Variants in DPP8 observed in about 807,000 individuals in gnomAD.
DPP8 encodes the protein DPP VIII.
In DPP8, 31 loss-of-function variants were observed where a neutral mutation model predicts 107.5. The observed-to-expected ratio is 0.29, with a 90% CI of 0.22 to 0.39. The LOEUF is 0.39. Among genes scored for constraint, DPP8 ranks in the 10% least tolerant of loss-of-function variants. DPP8 has a pLI of 1.00. For missense variants in DPP8, 842 were observed against 1,076.1 expected (o/e 0.78, Z 3.04); for synonymous variants, 381 against 356.6 (o/e 1.07, Z -0.77).
rs373576240 is a variant in DPP8, at chr15:65,467,056, A to C, written c.1689+15T>G. On this transcript the variant is annotated intron_variant, in intron 13 of 19. Coordinates refer to ENST00000300141, the MANE Select transcript of DPP8 (RefSeq NM_130434.5). Reference sequence around the variant, plus strand: ...TTTAATATGACACAAAACCCTTTTTAAACAAACTTAATACCTGACTGATGC... The same window carrying C: ...TTTAATATGACACAAAACCCTTTTTCAACAAACTTAATACCTGACTGATGC... 6.2e-7 allele frequency: 1 copy of C among 1,613,444 alleles called. No individual in the cohort carries two copies. Among genetic ancestry groups the C allele is most frequent in the Non-Finnish European group, 8.5e-7 (1 of 1,179,706 alleles).
chr15:65,511,170 C>A (rs143285819), intron 2 of DPP8, among the ~76,000 whole-genome samples: 1 of 152,134 alleles, frequency 6.6e-6, no homozygotes, highest in African/African-American at 2.4e-5. Context: ...ATATTCACTT[C>A]CTCATCTTTT....
chr15:65,446,877 G>C lies in DPP8; in HGVS notation c.*7C>G. ...GTGTATACCAGAGAGTTCTACACAG[G>C]TCAAAATTATATCACTTTTAGAGCA... On this transcript the variant is annotated 3_prime_UTR_variant, in exon 20 of 20. Coordinates refer to ENST00000300141, the MANE Select transcript of DPP8 (RefSeq NM_130434.5). The C allele has an allele frequency of 6.2e-7, 1 of 1,608,310 alleles. No homozygotes were observed. Among genetic ancestry groups the C allele is most frequent in the Non-Finnish European group, 8.5e-7 (1 of 1,177,826 alleles).
chr15:65,515,861 G>T, intron 1 of DPP8: 1 of 610,256 alleles, frequency 1.6e-6, no homozygotes, highest in Admixed American at 3.3e-5. Context: ...GCCAAAAAGA[G>T]AAGCCCCAAA....
chr15:65,448,541 G>A (rs2063639013), intron 19 of DPP8, among the ~76,000 whole-genome samples: 4 of 150,542 alleles, frequency 2.7e-5, no homozygotes, highest in Non-Finnish European at 3.0e-5. Context: ...GCGTGGTGGC[G>A]GGCACCGGTA....
At chr15:65,514,535 G>C (rs1260593656) in intron 1 of DPP8, among the ~76,000 whole-genome samples, 1 of 152,188 alleles carries the variant, frequency 6.6e-6, no homozygotes, top group African/African-American at 2.4e-5. Flanking sequence ...TTGAGGCAGA[G>C]TCTTGCTCTG....
chr15:65,453,671 T>C lies in DPP8; in HGVS notation c.2271+592A>G, dbSNP rs146110661. On this transcript the variant is annotated intron_variant, in intron 17 of 19. Coordinates refer to ENST00000300141, the MANE Select transcript of DPP8 (RefSeq NM_130434.5). Reference sequence around the variant, plus strand: ...AGGTGGAGGCTGCAGTGAGCCAAGATTGCGTCACTGCACTCCAGCCTGGGT... The same window carrying C: ...AGGTGGAGGCTGCAGTGAGCCAAGACTGCGTCACTGCACTCCAGCCTGGGT... 6.0e-3 allele frequency among the ~76,000 whole-genome samples: 906 copies of C among 152,162 alleles called. 7 individuals are homozygous for C. The highest frequency in any genetic ancestry group is 0.021 in the African/African-American group (876 of 41,516).
intron 4 of DPP8, 126 bp downstream of exon 4, chr15:65,500,480 C>T (rs1567268465): frequency 1.0e-5 from 7 of 696,352 alleles, no homozygotes; most frequent in South Asian, 8.3e-5. Flanking sequence ...GTTTTCATTG[C>T]TATTAAATTT....
intron 3 of DPP8, among the ~76,000 whole-genome samples, chr15:65,505,914 C>T (rs139389188): frequency 9.3e-4 from 133 of 143,218 alleles, no homozygotes; most frequent in African/African-American, 3.4e-3. Flanking sequence ...TGCGCCACTG[C>T]GCTCCAGCCT....
chr15:65,490,130 C>T (rs2067883062), intron 6 of DPP8, 59 bp downstream of exon 6: 2 of 881,322 alleles, frequency 2.3e-6, no homozygotes, highest in Non-Finnish European at 1.9e-6. Context: ...ACTTAAATGA[C>T]AGTTGAATCT....
At chr15:65,475,960 C>T (rs1490811139) in intron 11 of DPP8, among the ~76,000 whole-genome samples, 2 of 152,096 alleles carry the variant, frequency 1.3e-5, no homozygotes, top group Non-Finnish European at 2.9e-5. Flanking sequence ...GCCATGTTGC[C>T]TAGGCTAGTC....
Position 65,467,219 on chromosome 15 carries a change from T to A in DPP8, c.1541A>T (p.Gln514Leu), listed in dbSNP as rs147909400. Residue 514 changes from glutamine to leucine, a missense_variant, in exon 13 of 20, where the codon CAA (glutamine) becomes CTA (leucine). By Grantham distance (113) the Gln-to-Leu change is moderately radical. Around this residue, in one of 2 missense-constraint regions of DPP8, gnomAD observed 663 missense variants for 758.0 expected, o/e 0.87. Transcript: ENST00000300141. ...TACCAGCCTTCTGACTTCATCAACT[T>A]GGATCTGACAAGATAACAACAATAA... ...EVLGRHGSNI[Q>L]VDEVRRLVYF... is the part of the protein sequence containing the mutation. 4.3e-6 allele frequency: 7 copies of A among 1,614,052 alleles called. No individual in the cohort carries two copies. The African/African-American group carries it at 9.3e-5, about 22-fold the overall frequency.
At chr15:65,469,822 C>T (rs371609325) in intron 12 of DPP8, among the ~76,000 whole-genome samples, 15 of 150,238 alleles carry the variant, frequency 1.0e-4, no homozygotes, top group Middle Eastern at 3.7e-3. Flanking sequence ...GGTGACAGAG[C>T]GAGACTCCAT....
chr15:65,494,149 C>T (rs371249258), intron 5 of DPP8, among the ~76,000 whole-genome samples: 15 of 123,256 alleles, frequency 1.2e-4, no homozygotes, highest in African/African-American at 3.7e-4. Flanking sequence ...GTTCTATATC[C>T]TTTTTTTTTT....
intron 15 of DPP8, among the ~76,000 whole-genome samples, chr15:65,459,711 T>C (rs2064749189): frequency 6.6e-6 from 1 of 152,188 alleles, no homozygotes; most frequent in South Asian, 2.1e-4. Context: ...TCCCAGCACT[T>C]TGGGAGGCCG....
intron 19 of DPP8, among the ~76,000 whole-genome samples, chr15:65,449,253 T>A (rs1337496471): frequency 6.8e-6 from 1 of 146,082 alleles, no homozygotes; most frequent in African/African-American, 2.5e-5. Flanking sequence ...ATATATAATT[T>A]AAAAATATAT....
At chr15:65,465,569 CTTTT>C (rs556724106) in intron 14 of DPP8, among the ~76,000 whole-genome samples, 8 of 128,578 alleles carry the variant, frequency 6.2e-5, no homozygotes, top group Admixed American at 7.9e-5. Flanking sequence ...CCAGTCCATT[CTTTT>C]TTTTTTTTTT....
rs1391857186 is a variant in DPP8, at chr15:65,507,352, A to G, written c.263T>C (p.Met88Thr). Residue 88 changes from methionine to threonine, a missense_variant, in exon 3 of 20, where the codon ATG becomes ACG. Physicochemically the swap from Met to Thr is moderately conservative, Grantham distance 81 (BLOSUM62 -1). This residue lies in a region of DPP8 where 663 missense variants were observed against 758.0 expected (regional missense o/e 0.87). Transcript: ENST00000300141. ...TGTATTTTCTCTGTTCTCACCAGAC[A>G]TGGCTATAGGAGAAAGCAATCATTT... is the stretch of plus-strand genomic sequence containing the variant. ...PHSDRIYYLA[M>T]SGENRENTLF... 1 of 1,574,296 alleles carries G rather than the reference A, an allele frequency of 6.4e-7. No individual in the cohort carries two copies.
In DPP8 at chr15:65,443,185, T is replaced by C. The variant is rs1361622858; in HGVS notation, c.*3699A>G. 1 of 152,226 alleles carries C rather than the reference T, an allele frequency of 6.6e-6. No homozygotes were observed. The highest frequency in any genetic ancestry group is 2.4e-5 in the African/African-American group (1 of 41,464). 9.4% of individuals were successfully genotyped at this position (152,226 alleles called of 1,614,324 possible). ...TGTTTTATAGGAATATATTAATAAA[T>C]ATTTCTTTAAAAATTTACCTTTTCT... On this transcript the variant is annotated 3_prime_UTR_variant, in exon 20 of 20. Coordinates refer to ENST00000300141, the MANE Select transcript of DPP8 (RefSeq NM_130434.5).
chr15:65,466,837 A>C (rs1162773008), intron 13 of DPP8, 24 bp from the exon 14 acceptor site: 2 of 1,602,496 alleles, frequency 1.2e-6, no homozygotes, highest in East Asian at 4.5e-5. Context: ...AAACAATTAT[A>C]TTTTTCGTCA....
Sources: allele counts gnomAD v4.1 joint callset (sites outside exome capture counted in the v4.1 genomes callset), GRCh38; gene constraint gnomAD v4.1.1; regional missense constraint gnomAD v4.1.1; transcripts MANE v1.5; gene names NCBI Gene and HGNC (gene_info 2026-07-23, HGNC 2026-07-21).